DHX32: variants seen among roughly 807,000 people sequenced by gnomAD.
The protein encoded by DHX32 is DEAH-box helicase 32 (putative).
Under a neutral mutation model 70.0 loss-of-function variants are expected in DHX32, and 51 were observed. The ratio of observed to expected loss-of-function variants is 0.73; its 90% CI spans 0.58 to 0.92. The LOEUF is 0.92. Among genes scored for constraint, DHX32 ranks in the 40% least tolerant of loss-of-function variants. The pLI is 0.00. For synonymous variants in DHX32, 310 were observed against 315.3 expected, an observed-to-expected ratio of 0.98 and a Z score of 0.18; for missense variants, 762 against 891.8, an observed-to-expected ratio of 0.85 and a Z score of 1.85.
chr10:125,858,933 A>G (rs538089278), intron 3 of DHX32, among the ~76,000 whole-genome samples: 1 of 152,266 alleles, frequency 6.6e-6, no homozygotes, highest in East Asian at 1.9e-4. Context: ...TTGGCTGTCT[A>G]AAAGCAGTAA....
At position 125,852,376 on chromosome 10, in the gene DHX32, T is replaced by C; in HGVS notation, c.1268A>G (p.Glu423Gly). ...MTPLKPAEMQ[E>G]ANLTSMVLFM... ...AAGCACCATGCTTGTTAGGTTGGCT[T>C]CCTGCATTTCTGCTGGCTTCAGTGG... Residue 423 changes from glutamate to glycine, a missense_variant, in exon 6 of 11, where the codon GAA (glutamate) becomes GGA (glycine). Transcript: ENST00000284690. The C allele has an allele frequency of 6.2e-7, 1 of 1,614,230 alleles. No homozygotes were observed. Among genetic ancestry groups the C allele is most frequent in the Non-Finnish European group, 8.5e-7 (1 of 1,180,044 alleles).
rs1425238874 is a variant in DHX32 at position 125,838,203 on chromosome 10, T to TA, written c.2063+2dup. ...ACAACCCTTTCTTCTCCATTAAACTTACAGTTCAGGAGAGATTTCTGAGGT... is the reference window on the plus strand; with the variant it reads ...ACAACCCTTTCTTCTCCATTAAACTTAACAGTTCAGGAGAGATTTCTGAGGT... On this transcript the variant is annotated splice_region_variant and intron_variant, in intron 10 of 10. Transcript: ENST00000284690. The TA allele has an allele frequency of 3.8e-6, 6 of 1,575,958 alleles. No individual in the cohort carries two copies. Among genetic ancestry groups the TA allele is most frequent in the Non-Finnish European group, 1.7e-6 (2 of 1,167,686 alleles).
intron 6 of DHX32, 110 bp from the exon 7 acceptor site, chr10:125,842,044 G>T (rs765368588): frequency 7.4e-5 from 98 of 1,330,278 alleles, no homozygotes; most frequent in Non-Finnish European, 8.4e-5. Context: ...GACAAAATAT[G>T]TGAAACAACG....
upstream of DHX32, among the ~76,000 whole-genome samples, chr10:125,882,267 T>A (rs1944321579): frequency 1.3e-5 from 2 of 152,188 alleles, no homozygotes; most frequent in South Asian, 2.1e-4. Flanking sequence ...AAAAGAATAA[T>A]AAAATACAGT....
Position 125,838,235 on chromosome 10 carries a change from G to A in DHX32, c.2034C>T (p.Ile678=). ...HKFSISENNY[I]RITSEISPEL... Reference sequence around the variant, plus strand: ...CAGGAGAGATTTCTGAGGTAATCCTGATGTAGTTGTTCTCAGAAATGCTGA... The same window carrying A: ...CAGGAGAGATTTCTGAGGTAATCCTAATGTAGTTGTTCTCAGAAATGCTGA... Residue 678 remains isoleucine, a synonymous_variant, in exon 10 of 11, where the codon ATC becomes ATT. Coordinates refer to ENST00000284690, the MANE Select transcript of DHX32 (RefSeq NM_018180.3). 2 of 1,611,180 alleles carry A rather than the reference G, an allele frequency of 1.2e-6. No individual in the cohort carries two copies. The highest frequency in any genetic ancestry group is 8.5e-7 in the Non-Finnish European group (1 of 1,179,332).
At chr10:125,890,569 G>C (rs78122019) in intron 1 of DHX32, 1 of 91,390 alleles carries the variant, frequency 1.1e-5, no homozygotes, top group African/African-American at 4.4e-5. Context: ...CTCAATGTTG[G>C]TTCATATCAG....
chr10:125,867,542 C>T (rs1944228502), intron 1 of DHX32, among the ~76,000 whole-genome samples: 1 of 152,080 alleles, frequency 6.6e-6, no homozygotes, highest in Admixed American at 6.6e-5. Context: ...CGAGACCATC[C>T]TGGCTAACAT....
chr10:125,854,221 C>T lies in DHX32; in HGVS notation c.850-18G>A. On this transcript the variant is annotated intron_variant, in intron 3 of 10. Coordinates refer to ENST00000284690, the MANE Select transcript of DHX32 (RefSeq NM_018180.3). ...TCAATATCCTAAAGAAAAAAAAACC[C>T]ATGAAAATAAAATACAATGCAAACA... 6.4e-7 allele frequency: 1 copy of T among 1,563,058 alleles called. No homozygotes were observed. Among genetic ancestry groups the T allele is most frequent in the Non-Finnish European group, 8.6e-7 (1 of 1,163,440 alleles).
rs745318505 is a variant in DHX32 at position 125,836,728 on chromosome 10, C to T, written c.2191G>A (p.Glu731Lys). 1 of 1,614,068 alleles carries T rather than the reference C, an allele frequency of 6.2e-7. No individual in the cohort carries two copies. The highest frequency in any genetic ancestry group is 1.7e-5 in the Admixed American group (1 of 60,000). ...STMNKEQQMCETCPETEQRCT... is the reference protein window; with the variant it reads ...STMNKEQQMCKTCPETEQRCT... The stretch of plus-strand genomic sequence containing the variant: ...CTCTGTTCAGTTTCAGGGCACGTCT[C>T]ACACATTTGCTGTTCCTTATTCATT... Residue 731 changes from glutamate (E) to lysine (K), a missense_variant, in exon 11 of 11, where the codon GAG becomes AAG. Coordinates refer to ENST00000284690, the MANE Select transcript of DHX32 (RefSeq NM_018180.3).
At chr10:125,871,780 A>C (rs1444717395) in intron 1 of DHX32, among the ~76,000 whole-genome samples, 3 of 152,134 alleles carry the variant, frequency 2.0e-5, no homozygotes, top group Non-Finnish European at 4.4e-5. Context: ...CTTTACAAAG[A>C]ACTCTTGCCT....
rs144278707 is a variant in DHX32, at chr10:125,844,462, T to C, written c.1352-2528A>G. Among the ~76,000 whole-genome samples the C allele has an allele frequency of 6.7e-4, 102 of 152,346 alleles. No individual in the cohort carries two copies. The East Asian group carries it at 6.7e-3, about 10-fold the overall frequency. On this transcript the variant is annotated intron_variant, in intron 6 of 10. Coordinates refer to ENST00000284690, the MANE Select transcript of DHX32 (RefSeq NM_018180.3). ...CCGCACACAGGGTTAGTAACATAAA[T>C]GACTTCATGATTCTGCTCCTGGTCC...
At chr10:125,864,492 T>G (rs961861846) in intron 2 of DHX32, among the ~76,000 whole-genome samples, 2 of 152,114 alleles carry the variant, frequency 1.3e-5, no homozygotes, top group African/African-American at 4.8e-5. Context: ...AGTATTTCCT[T>G]TGGGTGTCAG....
chr10:125,893,912 G>A (rs539159586), intron 1 of DHX32, among the ~76,000 whole-genome samples: 35 of 152,260 alleles, frequency 2.3e-4, no homozygotes, highest in Non-Finnish European at 4.1e-4. Context: ...TCCCACTAAA[G>A]TTATTTCTAC....
intron 1 of DHX32, among the ~76,000 whole-genome samples, chr10:125,873,771 C>T (rs1459223214): frequency 1.3e-5 from 2 of 152,168 alleles, no homozygotes; most frequent in African/African-American, 4.8e-5. Context: ...CCTTCTGAAT[C>T]AAATATCACA....
chr10:125,872,050 C>T (rs960613056), intron 1 of DHX32, among the ~76,000 whole-genome samples: 8 of 151,930 alleles, frequency 5.3e-5, no homozygotes, highest in African/African-American at 1.4e-4. Flanking sequence ...TTAGTAGAGA[C>T]GAGGTTTCTC....
chr10:125,892,563 T>A (rs1179701590), intron 1 of DHX32, among the ~76,000 whole-genome samples: 1 of 152,270 alleles, frequency 6.6e-6, no homozygotes, highest in African/African-American at 2.4e-5. Flanking sequence ...CACGGCTTAG[T>A]TGTTCTCCCG....
chr10:125,853,941 G>A lies in DHX32; in HGVS notation c.1092+20C>T, dbSNP rs2134046957. Reference sequence around the variant, plus strand: ...TTGACAACGATCAGCAGTCTGTTTAGCCTACTCAATAATAATTACCTTTCT... The same window carrying A: ...TTGACAACGATCAGCAGTCTGTTTAACCTACTCAATAATAATTACCTTTCT... On this transcript the variant is annotated intron_variant, in intron 4 of 10. Transcript: ENST00000284690. 1.9e-6 allele frequency: 3 copies of A among 1,610,500 alleles called. No homozygotes were observed. Among genetic ancestry groups the A allele is most frequent in the South Asian group, 1.1e-5 (1 of 90,678 alleles).
chr10:125,853,942 C>T lies in DHX32; in HGVS notation c.1092+19G>A. 1 of 1,610,466 alleles carries T rather than the reference C, an allele frequency of 6.2e-7. No individual in the cohort carries two copies. The highest frequency in any genetic ancestry group is 8.5e-7 in the Non-Finnish European group (1 of 1,178,538). On this transcript the variant is annotated intron_variant, in intron 4 of 10. Transcript: ENST00000284690. ...TGACAACGATCAGCAGTCTGTTTAG[C>T]CTACTCAATAATAATTACCTTTCTT... is the stretch of plus-strand genomic sequence containing the variant.
intron 2 of DHX32, among the ~76,000 whole-genome samples, chr10:125,863,706 C>T (rs537299721): frequency 7.4e-4 from 112 of 152,240 alleles, no homozygotes; most frequent in African/African-American, 2.6e-3. Flanking sequence ...GCCTTGGCTT[C>T]CCAAAGTGCT....
Sources: gnomAD v4.1 joint callset for allele counts (sites outside exome capture counted in the v4.1 genomes callset) on GRCh38, gnomAD v4.1.1 for gene constraint, MANE v1.5 for transcripts, NCBI Gene and HGNC (gene_info 2026-07-23, HGNC 2026-07-21) for gene names.